The following CDH18 variants were observed in gnomAD, a reference collection of about 807,000 sequenced individuals.
The protein encoded by CDH18 is cadherin-18.
A neutral mutation model predicts 67.9 loss-of-function variants in CDH18; 31 were observed. The observed-to-expected ratio is 0.46, with a 90% CI of 0.34 to 0.62. CDH18 has a LOEUF of 0.62. Among genes scored for constraint, CDH18 ranks in the 20% least tolerant of loss-of-function variants. The probability of loss-of-function intolerance (pLI) is 0.01; values close to 1 mark genes in which losing one functional copy is unlikely to be tolerated. For missense variants in CDH18, 890 were observed against 975.5 expected (o/e 0.91, Z 1.17); for synonymous variants, 362 against 347.2 (o/e 1.04, Z -0.48).
intron 3 of CDH18, among the ~76,000 whole-genome samples, chr5:19,761,859 A>C (rs995567005): frequency 2.6e-5 from 4 of 152,198 alleles, no homozygotes; most frequent in African/African-American, 9.7e-5. Flanking sequence ...AGGCTACAGT[A>C]ACCAAAACAG....
intron 8 of CDH18, among the ~76,000 whole-genome samples, chr5:19,549,032 CT>C (rs1279286382): frequency 6.6e-6 from 1 of 152,056 alleles, no homozygotes. Flanking sequence ...TAGGCCTGAA[CT>C]ACTGTGCCTG....
chr5:20,399,963 C>T (rs919222686), intron 1 of CDH18, among the ~76,000 whole-genome samples: 3 of 152,160 alleles, frequency 2.0e-5, no homozygotes, highest in African/African-American at 7.2e-5. Context: ...AGTGTACACT[C>T]TTACTTTATA....
chr5:20,124,820 T>C (rs1261197152), intron 2 of CDH18, among the ~76,000 whole-genome samples: 1 of 152,176 alleles, frequency 6.6e-6, no homozygotes, highest in East Asian at 1.9e-4. Context: ...GAGCTGTTCT[T>C]AAAGCAGAAG....
At chr5:20,304,522 A>G (rs1345141653) in intron 1 of CDH18, 11 of 1,607,508 alleles carry the variant, frequency 6.8e-6, no homozygotes, top group Non-Finnish European at 9.4e-6. Flanking sequence ...AGACTGGTTT[A>G]CTCTGGTAAT....
intron 11 of CDH18, among the ~76,000 whole-genome samples, chr5:19,496,030 A>C (rs899010502): frequency 2.6e-5 from 4 of 152,202 alleles, no homozygotes; most frequent in Non-Finnish European, 5.9e-5. Flanking sequence ...CAAAATTTAG[A>C]TTGAAAGTTA....
chr5:19,977,124 GT>G (rs149170212), intron 2 of CDH18, among the ~76,000 whole-genome samples: 1,843 of 152,236 alleles, frequency 0.012, 53 homozygotes, highest in African/African-American at 0.042. Context: ...ATAAACACCT[GT>G]CACTTAAGAA....
At chr5:20,098,896 G>T (rs1746218598) in intron 2 of CDH18, among the ~76,000 whole-genome samples, 1 of 152,086 alleles carries the variant, frequency 6.6e-6, no homozygotes, top group Admixed American at 6.6e-5. Context: ...AAGTTAGTCA[G>T]CATTATTTTA....
At chr5:20,131,133 GTC>G (rs1302715947) in intron 2 of CDH18, among the ~76,000 whole-genome samples, 1 of 151,890 alleles carries the variant, frequency 6.6e-6, no homozygotes, top group African/African-American at 2.4e-5. Flanking sequence ...TTCATAAAAA[GTC>G]TCTACTTTCT....
At chr5:19,704,675 G>T (rs1163717318) in intron 5 of CDH18, among the ~76,000 whole-genome samples, 1 of 152,144 alleles carries the variant, frequency 6.6e-6, no homozygotes, top group Non-Finnish European at 1.5e-5. Context: ...AGCCAATTTG[G>T]ATAGAACATT....
chr5:19,980,375 C>T (rs1237138928), intron 2 of CDH18, among the ~76,000 whole-genome samples: 1 of 151,824 alleles, frequency 6.6e-6, no homozygotes, highest in Admixed American at 6.6e-5. Flanking sequence ...AAAAAGTAAG[C>T]AACCATAAAA....
Position 20,447,548 on chromosome 5 carries a change from C to T in CDH18, c.-580+127914G>A, listed in dbSNP as rs113428319. On this transcript the variant is annotated intron_variant, in intron 1 of 14. Coordinates refer to the CDH18 transcript ENST00000507958. ...AGTACTTTGATTTTATACTTCCCAGCTCTCAGAACTGTCAGAAATATGCCT... is the reference window on the plus strand; with the variant it reads ...AGTACTTTGATTTTATACTTCCCAGTTCTCAGAACTGTCAGAAATATGCCT... 8.9e-3 allele frequency among the ~76,000 whole-genome samples: 1,358 copies of T among 152,288 alleles called. 18 individuals are homozygous for T. Among genetic ancestry groups the T allele is most frequent in the African/African-American group, 0.031 (1,289 of 41,568 alleles).
At chr5:19,647,578 C>T (rs1754961038) in intron 5 of CDH18, among the ~76,000 whole-genome samples, 1 of 129,764 alleles carries the variant, frequency 7.7e-6, no homozygotes, top group Non-Finnish European at 1.6e-5. Flanking sequence ...TTGTAGTGGA[C>T]TCTGGAGGCT....
intron 1 of CDH18, among the ~76,000 whole-genome samples, chr5:20,258,459 TC>T (rs34994278): frequency 0.29 from 43,782 of 151,914 alleles, 7,147 homozygotes; most frequent in Non-Finnish European, 0.36. Flanking sequence ...GAAAGGGCAA[TC>T]CTCCATGTGA....
At chr5:20,434,973 T>C (rs1420686750) in intron 1 of CDH18, among the ~76,000 whole-genome samples, 3 of 152,100 alleles carry the variant, frequency 2.0e-5, no homozygotes, top group African/African-American at 7.2e-5. Flanking sequence ...GCCACTGCTT[T>C]ATTTCACTGA....
intron 2 of CDH18, among the ~76,000 whole-genome samples, chr5:19,916,529 C>G (rs994059549): frequency 2.0e-5 from 3 of 152,110 alleles, no homozygotes; most frequent in African/African-American, 7.2e-5. Flanking sequence ...ATCTCTATTG[C>G]CTTCCAAATA....
At chr5:20,431,964 T>A (rs919167250) in intron 1 of CDH18, among the ~76,000 whole-genome samples, 6 of 152,180 alleles carry the variant, frequency 3.9e-5, no homozygotes, top group Admixed American at 2.6e-4. Flanking sequence ...ATAACATCTC[T>A]GAGAAATAAT....
intron 11 of CDH18, among the ~76,000 whole-genome samples, chr5:19,492,760 C>T (rs1741672926): frequency 6.6e-6 from 1 of 152,152 alleles, no homozygotes; most frequent in East Asian, 1.9e-4. Flanking sequence ...AAAAACCCTT[C>T]ACTTGGTTAT....
At chr5:19,606,659 T>A (rs1323990387) in intron 6 of CDH18, among the ~76,000 whole-genome samples, 2 of 151,818 alleles carry the variant, frequency 1.3e-5, no homozygotes, top group African/African-American at 4.8e-5. Context: ...AGAATAATAA[T>A]TATTATACAG....
chr5:20,271,291 T>C (rs1298946898), intron 1 of CDH18, among the ~76,000 whole-genome samples: 1 of 152,124 alleles, frequency 6.6e-6, no homozygotes, highest in East Asian at 1.9e-4. Flanking sequence ...ACTGTTGTCC[T>C]CACGAGAGGC....
Sources: allele counts gnomAD v4.1 joint callset (sites outside exome capture counted in the v4.1 genomes callset), GRCh38; gene constraint gnomAD v4.1.1; transcripts MANE v1.5; gene names NCBI Gene and HGNC (gene_info 2026-07-23, HGNC 2026-07-21).